GFRAL: variants seen among roughly 807,000 people sequenced by gnomAD.
GFRAL encodes the protein GDNF family receptor alpha-like.
In GFRAL, 36 loss-of-function variants were observed where a neutral mutation model predicts 45.4. That is an observed-to-expected ratio of 0.79 (90% CI 0.61 to 1.05). The LOEUF (loss-of-function observed/expected upper bound fraction) is 1.05. GFRAL is among the 50% of genes least tolerant of loss of function. The probability of loss-of-function intolerance (pLI) is 0.00; values close to 1 mark genes in which losing one functional copy is unlikely to be tolerated. For synonymous variants in GFRAL, 166 were observed against 154.1 expected (o/e 1.08, Z -0.57); for missense variants, 507 against 467.5 (o/e 1.08, Z -0.78).
chr6:55,399,353 C>T lies in GFRAL; in HGVS notation c.1049-16C>T. On this transcript the variant is annotated splice_polypyrimidine_tract_variant and intron_variant, in intron 7 of 8. Coordinates refer to ENST00000340465, the MANE Select transcript of GFRAL (RefSeq NM_207410.2). ...AATCCAGTGACTATTATTTCTTAAT[C>T]TTTTTCTTTTTCTAGGAGAAGTAAT... The T allele has an allele frequency of 6.3e-7, 1 of 1,592,350 alleles. No individual in the cohort carries two copies.
rs558042056 is a variant in GFRAL at position 55,382,645 on chromosome 6, TG to T, written c.953-16534del. ...AACAATGACTCTAGAAGTCAAATTC[TG>T]TGCTTGGAAATGTAAATAGACCTTA... On this transcript the variant is annotated intron_variant, in intron 6 of 8. Coordinates refer to ENST00000340465, the MANE Select transcript of GFRAL (RefSeq NM_207410.2). Among the ~76,000 whole-genome samples the T allele has an allele frequency of 2.2e-4, 33 of 152,116 alleles. No individual in the cohort carries two copies. The East Asian group carries it at 6.0e-3, about 28-fold the overall frequency.
chr6:55,352,909 T>A (rs893242443), intron 5 of GFRAL, among the ~76,000 whole-genome samples: 1 of 152,078 alleles, frequency 6.6e-6, no homozygotes, highest in African/African-American at 2.4e-5. Flanking sequence ...AACAAATGCC[T>A]ATGGATCTTA....
chr6:55,401,885 C>T lies in GFRAL; in HGVS notation c.*32C>T. The T allele has an allele frequency of 8.7e-7, 1 of 1,153,342 alleles. No individual in the cohort carries two copies. Among genetic ancestry groups the T allele is most frequent in the Non-Finnish European group, 1.3e-6 (1 of 764,798 alleles). 71.4% of individuals were successfully genotyped at this position (1,153,342 alleles called of 1,614,324 possible). ...AGGAGTCATGGACCTATAACAATCA[C>T]TCTTTTCTCTGCTTTTCTTCTTTCC... On this transcript the variant is annotated 3_prime_UTR_variant, in exon 9 of 9. Transcript: ENST00000340465.
chr6:55,331,316 G>T (rs9382486), intron 1 of GFRAL, among the ~76,000 whole-genome samples: 73,790 of 151,916 alleles, frequency 0.49, 19,328 homozygotes, highest in Non-Finnish European at 0.61. Flanking sequence ...GAGAACAGAA[G>T]GGAGGGCTGG....
intron 3 of GFRAL, among the ~76,000 whole-genome samples, chr6:55,346,931 T>C (rs1461944770): frequency 6.8e-6 from 1 of 147,016 alleles, no homozygotes; most frequent in Non-Finnish European, 1.5e-5. Context: ...TAACCTGTAA[T>C]ATTGGTGGTA....
At chr6:55,396,886 T>C (rs962518778) in intron 6 of GFRAL, among the ~76,000 whole-genome samples, 115 of 151,332 alleles carry the variant, frequency 7.6e-4, no homozygotes, top group East Asian at 3.1e-3. Flanking sequence ...CTTTTTTTTT[T>C]TTTTTTTCTG....
intron 3 of GFRAL, among the ~76,000 whole-genome samples, chr6:55,348,590 G>A (rs577424848): frequency 6.6e-6 from 1 of 152,144 alleles, no homozygotes; most frequent in African/African-American, 2.4e-5. Context: ...TAGATAGCCA[G>A]CCACATTTTC....
chr6:55,375,344 T>C (rs1768509520), intron 6 of GFRAL, among the ~76,000 whole-genome samples: 1 of 152,148 alleles, frequency 6.6e-6, no homozygotes, highest in South Asian at 2.1e-4. Context: ...TTCACTTCCT[T>C]TGTTAGCTGT....
At chr6:55,349,948 G>A (rs938631863) in intron 3 of GFRAL, 144 bp from the exon 4 acceptor site, 2 of 643,680 alleles carry the variant, frequency 3.1e-6, no homozygotes, top group South Asian at 3.3e-5. Context: ...TGAATATCAA[G>A]GGCTAAATAC....
At chr6:55,357,586 C>G (rs9475255) in intron 5 of GFRAL, among the ~76,000 whole-genome samples, 1 of 151,428 alleles carries the variant, frequency 6.6e-6, no homozygotes. Flanking sequence ...TTAGAGGTAA[C>G]AGATCATTGG....
At chr6:55,339,332 T>C (rs906571881) in intron 3 of GFRAL, among the ~76,000 whole-genome samples, 1 of 151,886 alleles carries the variant, frequency 6.6e-6, no homozygotes, top group African/African-American at 2.4e-5. Context: ...AATGTTGGTA[T>C]TTTTTTTCTA....
intron 6 of GFRAL, among the ~76,000 whole-genome samples, chr6:55,363,630 T>G (rs1197064860): frequency 2.3e-5 from 3 of 129,208 alleles, no homozygotes; most frequent in Non-Finnish European, 4.7e-5. Context: ...ATATTCCCCT[T>G]CCTGTGTCCA....
chr6:55,337,303 T>C (rs1268702725), intron 3 of GFRAL, among the ~76,000 whole-genome samples: 1 of 152,180 alleles, frequency 6.6e-6, no homozygotes, highest in Admixed American at 6.6e-5. Flanking sequence ...TCTTTTTGTA[T>C]TTCTGGATTC....
rs550096589 is a variant in GFRAL at position 55,385,112 on chromosome 6, T to C, written c.953-14068T>C. 1.2e-4 allele frequency among the ~76,000 whole-genome samples: 19 copies of C among 152,164 alleles called. 1 individual carries two copies. In the South Asian group the frequency reaches 3.9e-3, roughly 32 times the overall value. ...TTCCTCAAAGAAACTACAGAAATAG[T>C]GAATGACTAATGACCAGAAGCATAT... On this transcript the variant is annotated intron_variant, in intron 6 of 8. Coordinates refer to ENST00000340465, the MANE Select transcript of GFRAL (RefSeq NM_207410.2).
At chr6:55,382,800 GTGAAATGAAAATCACAATA>G (rs1768628383) in intron 6 of GFRAL, among the ~76,000 whole-genome samples, 1 of 151,902 alleles carries the variant, frequency 6.6e-6, no homozygotes, top group African/African-American at 2.4e-5. Flanking sequence ...TTTCCAGTCT[GTGAAATGAAAATCACAATA>G]AACATTTCTA....
At position 55,359,038 on chromosome 6, in the gene GFRAL, G is replaced by T. The variant is rs753114262; in HGVS notation, c.852G>T (p.Gly284=). ...AAGCTGCTTACATAGATATCCTTGG[G>T]ACGGTCCTTCAAGTGCAATGTACCT... ...DCKAAYIDIL[G]TVLQVQCTCR... The change falls in exon 6 of 9, where the codon GGG becomes GGT. Residue 284 remains glycine, a synonymous_variant. Coordinates refer to ENST00000340465, the MANE Select transcript of GFRAL (RefSeq NM_207410.2). 2 of 1,612,956 alleles carry T rather than the reference G, an allele frequency of 1.2e-6. No individual in the cohort carries two copies. Among genetic ancestry groups the T allele is most frequent in the South Asian group, 1.1e-5 (1 of 91,068 alleles).
At chr6:55,390,132 C>T (rs535908740) in intron 6 of GFRAL, among the ~76,000 whole-genome samples, 4 of 152,350 alleles carry the variant, frequency 2.6e-5, no homozygotes, top group Middle Eastern at 3.4e-3. Context: ...TCCTTTCTCA[C>T]CTTTCTTTAA....
At chr6:55,359,802 A>G (rs1438449860) in intron 6 of GFRAL, among the ~76,000 whole-genome samples, 1 of 151,970 alleles carries the variant, frequency 6.6e-6, no homozygotes, top group Non-Finnish European at 1.5e-5. Flanking sequence ...ATTTGTAATT[A>G]TTTCACTGAA....
chr6:55,361,302 C>T (rs1001464997), intron 6 of GFRAL, among the ~76,000 whole-genome samples: 5 of 151,854 alleles, frequency 3.3e-5, no homozygotes, highest in Non-Finnish European at 7.4e-5. Context: ...GAATTGGTTC[C>T]AGGACTCAAA....
Sources: allele counts gnomAD v4.1 joint callset (sites outside exome capture counted in the v4.1 genomes callset), GRCh38; gene constraint gnomAD v4.1.1; transcripts MANE v1.5; gene names NCBI Gene and HGNC (gene_info 2026-07-23, HGNC 2026-07-21).